The following FAP variants were observed in gnomAD, a reference collection of about 807,000 sequenced individuals.
FAP encodes fibroblast activation protein alpha.
In FAP, 110 loss-of-function variants were observed where a neutral mutation model predicts 126.5. The observed-to-expected ratio is 0.87, with a 90% CI of 0.74 to 1.02. FAP has a LOEUF of 1.02. Ranked by LOEUF, FAP falls within the 50% of genes least tolerant of loss-of-function variation. The pLI is 0.00. For synonymous variants in FAP, 334 were observed against 297.3 expected (o/e 1.12, Z -1.27); for missense variants, 919 against 909.2 (o/e 1.01, Z -0.14).
chr2:162,187,312 G>A (rs934042601), intron 20 of FAP, among the ~76,000 whole-genome samples: 1 of 152,014 alleles, frequency 6.6e-6, no homozygotes, highest in African/African-American at 2.4e-5. Context: ...ATTTCTCTTT[G>A]CCTGTGAAAC....
chr2:162,204,180 T>TGA (rs1190608598), intron 12 of FAP, among the ~76,000 whole-genome samples: 1 of 152,206 alleles, frequency 6.6e-6, no homozygotes, highest in Non-Finnish European at 1.5e-5. Context: ...AGACCTAATG[T>TGA]GAGACCCATT....
intron 11 of FAP, 105 bp downstream of exon 11, chr2:162,213,833 T>C: frequency 8.7e-7 from 1 of 1,145,088 alleles, no homozygotes; most frequent in South Asian, 2.4e-5. Flanking sequence ...GGCAGTTGAA[T>C]GCAGTAATCC....
At chr2:162,188,132 T>G in intron 20 of FAP, 37 bp downstream of exon 20, 1 of 1,531,646 alleles carries the variant, frequency 6.5e-7, no homozygotes, top group Non-Finnish European at 9.0e-7. Context: ...TGACTTTTGT[T>G]GCATGTTGAC....
At chr2:162,220,420 A>G (rs1689341089) in intron 6 of FAP, among the ~76,000 whole-genome samples, 1 of 152,198 alleles carries the variant, frequency 6.6e-6, no homozygotes, top group Non-Finnish European at 1.5e-5. Context: ...CTGAAATTCT[A>G]TAATTGTGCT....
intron 11 of FAP, among the ~76,000 whole-genome samples, chr2:162,212,496 C>A (rs1409814344): frequency 6.6e-6 from 1 of 152,128 alleles, no homozygotes; most frequent in Non-Finnish European, 1.5e-5. Flanking sequence ...ACGCTTCTAG[C>A]ATATTCCATC....
intron 17 of FAP, among the ~76,000 whole-genome samples, chr2:162,194,497 C>T (rs112325422): frequency 3.3e-5 from 5 of 152,192 alleles, no homozygotes; most frequent in African/African-American, 1.2e-4. Context: ...GCCAGGTTCT[C>T]ACTGCAAAGA....
At position 162,219,074 on chromosome 2, in the gene FAP, C is replaced by T. The variant is rs371176473; in HGVS notation, c.596G>A (p.Trp199Ter). 6.2e-7 allele frequency: 1 copy of T among 1,602,710 alleles called. No homozygotes were observed. The highest frequency in any genetic ancestry group is 8.5e-7 in the Non-Finnish European group (1 of 1,174,178). ...ENKIFNGIPD[W>*]VYEEEMLATK... is the part of the protein sequence containing the mutation. ...GGAATACAGCTTACCTTCATAAACC[C>T]AGTCTGGGATTCCATTAAATATTTT... Residue 199 changes from tryptophan to a stop codon, truncating the protein, a stop_gained, in exon 8 of 26, where the codon TGG becomes TAG. Coordinates refer to ENST00000188790, the MANE Select transcript of FAP (RefSeq NM_004460.5). LOFTEE classifies it high-confidence loss of function.
intron 2 of FAP, among the ~76,000 whole-genome samples, chr2:162,235,497 C>T (rs1690090936): frequency 6.6e-6 from 1 of 152,200 alleles, no homozygotes; most frequent in South Asian, 2.1e-4. Context: ...CTGTGTCTAG[C>T]TCAGGGTTTG....
chr2:162,215,993 A>C lies in FAP; in HGVS notation c.771T>G (p.Ala257=). The part of the protein sequence containing the change: ...TINIPYPKAG[A]KNPVVRIFII... ...TAAATATCCGAACAACGGGATTCTTAGCTCCAGCCTGCCAAGAAAATTGAG... is the reference window on the plus strand; with the variant it reads ...TAAATATCCGAACAACGGGATTCTTCGCTCCAGCCTGCCAAGAAAATTGAG... The change falls in exon 10 of 26, where the codon GCT becomes GCG. Residue 257 remains alanine, a synonymous_variant. Coordinates refer to ENST00000188790, the MANE Select transcript of FAP (RefSeq NM_004460.5). 1 of 1,613,536 alleles carries C rather than the reference A, an allele frequency of 6.2e-7. No homozygotes were observed. The highest frequency in any genetic ancestry group is 1.1e-5 in the South Asian group (1 of 90,996).
In FAP at chr2:162,188,363, C is replaced by A. The variant is rs369174081; in HGVS notation, c.1620G>T (p.Val540=). 1.2e-6 allele frequency: 2 copies of A among 1,607,858 alleles called. No individual in the cohort carries two copies. Among genetic ancestry groups the A allele is most frequent in the Non-Finnish European group, 1.7e-6 (2 of 1,177,524 alleles). Reference sequence around the variant, plus strand: ...CACTCTGACTGCAGGGACCACCATACCTAAAGGAAAAACAAAAAAAACAAG... The same window carrying A: ...CACTCTGACTGCAGGGACCACCATAACTAAAGGAAAAACAAAAAAAACAAG... The part of the protein sequence containing the change: ...RSKKYPLLIQ[V]YGGPCSQSVR... The change falls in exon 20 of 26, where the codon GTG becomes GTT. Residue 540 remains valine, a splice_region_variant and synonymous_variant. Coordinates refer to ENST00000188790, the MANE Select transcript of FAP (RefSeq NM_004460.5).
chr2:162,236,501 G>A (rs1198455503), intron 2 of FAP, among the ~76,000 whole-genome samples: 1 of 150,354 alleles, frequency 6.7e-6, no homozygotes, highest in Non-Finnish European at 1.5e-5. Context: ...CTTTTTTGGT[G>A]TTATAGCACC....
chr2:162,196,039 C>T (rs1210425997), intron 16 of FAP, among the ~76,000 whole-genome samples: 1 of 152,184 alleles, frequency 6.6e-6, no homozygotes, highest in Non-Finnish European at 1.5e-5. Context: ...AGAGAACATG[C>T]TTTTGATCCG....
intron 2 of FAP, among the ~76,000 whole-genome samples, chr2:162,241,598 A>T (rs1436047593): frequency 3.9e-5 from 6 of 152,196 alleles, no homozygotes; most frequent in Admixed American, 6.5e-5. Flanking sequence ...TTCTTTAAAA[A>T]TCAGGAGCTA....
chr2:162,214,875 G>A (rs1576177041), intron 10 of FAP, among the ~76,000 whole-genome samples: 1 of 151,968 alleles, frequency 6.6e-6, no homozygotes, highest in African/African-American at 2.4e-5. Context: ...TTGGCCGCGT[G>A]CTTAAACCGC....
rs201821507 is a variant in FAP, at chr2:162,224,556, G to C, written c.286-16C>G. Reference sequence around the variant, plus strand: ...TCACACTTTTCTGAAATTATGAAGAGGTTGATTAGAATACAGAAAAGATAA... The same window carrying C: ...TCACACTTTTCTGAAATTATGAAGACGTTGATTAGAATACAGAAAAGATAA... On this transcript the variant is annotated splice_polypyrimidine_tract_variant and intron_variant, in intron 4 of 25. Transcript: ENST00000188790. The C allele has an allele frequency of 4.0e-6, 6 of 1,518,722 alleles. No individual in the cohort carries two copies. The East Asian group carries it at 1.2e-4, about 29-fold the overall frequency. 94.1% of individuals were successfully genotyped at this position (1,518,722 alleles called of 1,614,324 possible).
intron 11 of FAP, among the ~76,000 whole-genome samples, chr2:162,210,201 T>C (rs1187176385): frequency 6.6e-6 from 1 of 152,172 alleles, no homozygotes; most frequent in African/African-American, 2.4e-5. Context: ...TTATTGCAGA[T>C]CCTTAATAAT....
chr2:162,172,509 A>G, intron 25 of FAP: 1 of 286,324 alleles, frequency 3.5e-6, no homozygotes, highest in South Asian at 6.0e-5. Flanking sequence ...CTAAGCATAT[A>G]ATTGCACTTA....
intron 22 of FAP, 83 bp downstream of exon 22, chr2:162,174,784 T>TA (rs2106212215): frequency 1.1e-6 from 1 of 918,582 alleles, no homozygotes; most frequent in East Asian, 2.6e-5. Flanking sequence ...TTTTACTGCA[T>TA]AATCCATTTT....
intron 6 of FAP, 54 bp from the exon 7 acceptor site, chr2:162,219,979 A>T (rs1689321133): frequency 8.3e-7 from 1 of 1,210,636 alleles, no homozygotes; most frequent in African/African-American, 1.5e-5. Flanking sequence ...AATGCAAAAA[A>T]ATAATAATCT....
Sources: gnomAD v4.1 joint callset for allele counts (sites outside exome capture counted in the v4.1 genomes callset) on GRCh38, gnomAD v4.1.1 for gene constraint, MANE v1.5 for transcripts, NCBI Gene and HGNC (gene_info 2026-07-23, HGNC 2026-07-21) for gene names.